The following PHLDA3 variants were observed in gnomAD, a reference collection of about 807,000 sequenced individuals.
PHLDA3 encodes pleckstrin homology-like domain family A member 3.
PHLDA3 carries 12 observed loss-of-function variants against 7.6 expected under a neutral mutation model. The ratio of observed to expected loss-of-function variants is 1.58; its 90% confidence interval spans 1.01 to 2.55. PHLDA3 has a LOEUF of 2.55. PHLDA3 is among the 30% of genes most tolerant of loss of function. The pLI, the probability that PHLDA3 is intolerant of heterozygous loss-of-function variation, is 0.00. For synonymous variants in PHLDA3, 104 were observed against 85.1 expected, an observed-to-expected ratio of 1.22 and a Z score of -1.23; for missense variants, 177 against 175.6, an observed-to-expected ratio of 1.01 and a Z score of -0.05.
Position 201,468,331 on chromosome 1 carries a change from G to A in PHLDA3, c.*62+10C>T, listed in dbSNP as rs1333574604. On this transcript the variant is annotated intron_variant, in intron 1 of 1. Coordinates refer to ENST00000367311, the MANE Select transcript of PHLDA3 (RefSeq NM_012396.5). ...AGGAGAGAAGAGGGCCCAGTCCCCC[G>A]GGGGCTTACCTGCCTTGACCTCAGC... The A allele has an allele frequency of 3.9e-6, 6 of 1,543,454 alleles. No homozygotes were observed. The highest frequency in any genetic ancestry group is 3.5e-5 in the South Asian group (3 of 85,820).
At chr1:201,467,681 C>CACAT (rs1558299134) in intron 1 of PHLDA3, 1 of 139,794 alleles carries the variant, frequency 7.2e-6, no homozygotes, top group Non-Finnish European at 1.6e-5. Context: ...CACACACACA[C>CACAT]ATATGTAGAG....
Position 201,468,359 on chromosome 1 carries a change from T to C in PHLDA3, c.*44A>G, listed in dbSNP as rs1330680581. On this transcript the variant is annotated 3_prime_UTR_variant, in exon 1 of 2. Transcript: ENST00000367311. ...GGCTTACCTGCCTTGACCTCAGCAC[T>C]GAGGTGGTGGGTAGCATGAAGGAAA... 6.2e-7 allele frequency: 1 copy of C among 1,610,568 alleles called. No individual in the cohort carries two copies.
Position 201,468,957 on chromosome 1 carries a change from G to GA in PHLDA3, c.-172dup. 3.1e-6 allele frequency: 2 copies of GA among 652,710 alleles called. No homozygotes were observed. The highest frequency in any genetic ancestry group is 3.8e-5 in the South Asian group (1 of 26,088). The allele number at this position is 652,710 out of a possible 1,614,324, so 40.4% of individuals were successfully genotyped here. On this transcript the variant is annotated 5_prime_UTR_variant, in exon 1 of 2. Coordinates refer to ENST00000367311, the MANE Select transcript of PHLDA3 (RefSeq NM_012396.5). ...CGGCCCTCAGCACCCGGCTGCCGGT[G>GA]AGGTGGTGTCGGTGCCCCCAGCGCG...
rs1663619583 is a variant in PHLDA3 at position 201,464,784 on chromosome 1, ATTGTCTGTAC to A, written c.*1447_*1456del. ...AGTTTCTGTACAACTCCAGGCAGCT[ATTGTCTGTAC>A]CTGTTTTCCCGTTTTTTTTGTTGTT... On this transcript the variant is annotated 3_prime_UTR_variant, in exon 2 of 2. Transcript: ENST00000367311. 1 of 149,684 alleles carries A rather than the reference ATTGTCTGTAC, an allele frequency of 6.7e-6. No individual in the cohort carries two copies. Among genetic ancestry groups the A allele is most frequent in the Non-Finnish European group, 1.5e-5 (1 of 67,580 alleles). 9.3% of individuals were successfully genotyped at this position (149,684 alleles called of 1,614,324 possible). A position where few individuals can be genotyped will look rare whatever the true frequency, so the allele number is the denominator to read the frequency against.
In PHLDA3 at chr1:201,468,903, C is replaced by T; in HGVS notation, c.-117G>A. On this transcript the variant is annotated 5_prime_UTR_variant, in exon 1 of 2. Coordinates refer to ENST00000367311, the MANE Select transcript of PHLDA3 (RefSeq NM_012396.5). Reference sequence around the variant, plus strand: ...GCAGGCCGTGCGCGCTGCCCACCTGCGCCCTGACTGCTCCGCGCACCCACA... The same window carrying T: ...GCAGGCCGTGCGCGCTGCCCACCTGTGCCCTGACTGCTCCGCGCACCCACA... The T allele has an allele frequency of 1.7e-6, 2 of 1,152,676 alleles. No individual in the cohort carries two copies. Among genetic ancestry groups the T allele is most frequent in the South Asian group, 2.0e-5 (1 of 48,878 alleles). 71.4% of individuals were successfully genotyped at this position (1,152,676 alleles called of 1,614,324 possible).
At position 201,465,519 on chromosome 1, in the gene PHLDA3, T is replaced by C. The variant is rs1663638273; in HGVS notation, c.*722A>G. The C allele has an allele frequency of 6.5e-6, 1 of 154,866 alleles. No homozygotes were observed. Among genetic ancestry groups the C allele is most frequent in the Non-Finnish European group, 1.5e-5 (1 of 68,268 alleles). The allele number at this position is 154,866 out of a possible 1,614,324, so 9.6% of individuals were successfully genotyped here. On this transcript the variant is annotated 3_prime_UTR_variant, in exon 2 of 2. Transcript: ENST00000367311. ...TGTGGTTACTGCCCTTTGCAGGGCATCTTCATTTGGGGAAAGACATGAAAT... is the reference window on the plus strand; with the variant it reads ...TGTGGTTACTGCCCTTTGCAGGGCACCTTCATTTGGGGAAAGACATGAAAT...
In PHLDA3 at chr1:201,468,445, C is replaced by T; in HGVS notation, c.342G>A (p.Val114=). The change falls in exon 1 of 2, where the codon GTG becomes GTA. Residue 114 remains valine, a synonymous_variant. Coordinates refer to ENST00000367311, the MANE Select transcript of PHLDA3 (RefSeq NM_012396.5). ...KFKNQQAIQT[V]RARQSLGTGT... is the part of the protein sequence containing the mutation. Reference sequence around the variant, plus strand: ...CGGTCCCGAGGCTCTGCCGGGCCCGCACTGTCTGGATGGCCTGCTGGTTCT... The same window carrying T: ...CGGTCCCGAGGCTCTGCCGGGCCCGTACTGTCTGGATGGCCTGCTGGTTCT... 1 of 1,614,192 alleles carries T rather than the reference C, an allele frequency of 6.2e-7. No homozygotes were observed. The highest frequency in any genetic ancestry group is 8.5e-7 in the Non-Finnish European group (1 of 1,180,014).
At position 201,464,402 on chromosome 1, in the gene PHLDA3, A is replaced by C. The variant is rs592189; in HGVS notation, c.*1839T>G. On this transcript the variant is annotated 3_prime_UTR_variant, in exon 2 of 2. Transcript: ENST00000367311. ...ATTGGATACAGTAAGTGACATATTT[A>C]TAAAAGTTCTGTTGTAATTAACAAA... The C allele has an allele frequency of 0.43, 66,010 of 152,120 alleles. 15,649 individuals are homozygous for C. The highest frequency in any genetic ancestry group is 0.55 in the Non-Finnish European group (37,109 of 67,970). 9.4% of individuals were successfully genotyped at this position (152,120 alleles called of 1,614,324 possible).
chr1:201,467,040 G>A (rs1663680283), intron 1 of PHLDA3, among the ~76,000 whole-genome samples: 1 of 152,198 alleles, frequency 6.6e-6, no homozygotes, highest in Admixed American at 6.5e-5. Flanking sequence ...ACCAGGTGTG[G>A]TGGCTTACAC....
At position 201,468,704 on chromosome 1, in the gene PHLDA3, C is replaced by T. The variant is rs35383942; in HGVS notation, c.83G>A (p.Arg28Gln). 86,518 of 1,608,206 alleles carry T rather than the reference C, an allele frequency of 0.054. 2,855 individuals carry two copies. Among genetic ancestry groups the T allele is most frequent in the Non-Finnish European group, 0.061 (72,031 of 1,179,198 alleles). ...GCGTTCGGTGAGGACGCAGCGCTTC[C>T]GCTTCCACAGCTGCAGCAGCCCGCC... The part of the protein sequence containing the change: ...RSGGLLQLWK[R>Q]KRCVLTERGL... The change falls in exon 1 of 2, where the codon CGG becomes CAG. Residue 28 changes from arginine to glutamine, a missense_variant. By Grantham distance (43) the Arg-to-Gln change is conservative. Coordinates refer to ENST00000367311, the MANE Select transcript of PHLDA3 (RefSeq NM_012396.5).
Position 201,468,597 on chromosome 1 carries a change from C to T in PHLDA3, c.190G>A (p.Val64Met), listed in dbSNP as rs765668286. ...TAGATGTGGCGCCCGGTGCTCTCCA[C>T]GCACTCCACGGCCTTGATGCGGGCG... ...SFARIKAVECVESTGRHIYFT... is the reference protein window; with the variant it reads ...SFARIKAVECMESTGRHIYFT... Residue 64 changes from valine to methionine, a missense_variant, in exon 1 of 2, where the codon GTG (valine) becomes ATG (methionine). Physicochemically the swap from Val to Met is conservative, Grantham distance 21 (BLOSUM62 1). Coordinates refer to ENST00000367311, the MANE Select transcript of PHLDA3 (RefSeq NM_012396.5). 6 of 1,613,678 alleles carry T rather than the reference C, an allele frequency of 3.7e-6. No homozygotes were observed. The East Asian group carries it at 8.9e-5, about 24-fold the overall frequency.
At position 201,466,706 on chromosome 1, in the gene PHLDA3, TGGCCCCTCCCCTG is replaced by T. The variant is rs1663672801; in HGVS notation, c.*63-541_*63-529del. The T allele has an allele frequency of 2.0e-5, 3 of 152,400 alleles. No individual in the cohort carries two copies. In the South Asian group the frequency reaches 6.2e-4, roughly 32 times the overall value. 9.4% of individuals were successfully genotyped at this position (152,400 alleles called of 1,614,324 possible). A position where few individuals can be genotyped will look rare whatever the true frequency, so the allele number is the denominator to read the frequency against. The stretch of plus-strand genomic sequence containing the variant: ...AGCCAGGGCTTCCAGATTCTATTCC[TGGCCCCTCCCCTG>T]GGCCTTCCTGACCACAAATCCGCCC... On this transcript the variant is annotated intron_variant, in intron 1 of 1. Coordinates refer to ENST00000367311, the MANE Select transcript of PHLDA3 (RefSeq NM_012396.5).
At position 201,468,699 on chromosome 1, in the gene PHLDA3, G is replaced by A; in HGVS notation, c.88C>T (p.Arg30Cys). Residue 30 changes from arginine to cysteine, a missense_variant, in exon 1 of 2, where the codon CGC becomes TGC. By Grantham distance (180) the Arg-to-Cys change is radical. Transcript: ENST00000367311. Reference protein sequence around the residue: ...GGLLQLWKRKRCVLTERGLQL... With the variant: ...GGLLQLWKRKCCVLTERGLQL... ...AGCCCGCGTTCGGTGAGGACGCAGC[G>A]CTTCCGCTTCCACAGCTGCAGCAGC... 6.2e-7 allele frequency: 1 copy of A among 1,609,082 alleles called. No individual in the cohort carries two copies. Among genetic ancestry groups the A allele is most frequent in the South Asian group, 1.1e-5 (1 of 90,978 alleles).
chr1:201,468,292 A>G, intron 1 of PHLDA3, 49 bp downstream of exon 1: 1 of 1,207,170 alleles, frequency 8.3e-7, no homozygotes, highest in Non-Finnish European at 1.2e-6. Flanking sequence ...TGTAGGGGAA[A>G]GAGAAGGGAG....
At chr1:201,467,898 G>C (rs1303786424) in intron 1 of PHLDA3, among the ~76,000 whole-genome samples, 1 of 151,910 alleles carries the variant, frequency 6.6e-6, no homozygotes, top group East Asian at 1.9e-4. Flanking sequence ...AAAGAGGGTC[G>C]GCCTCCACGA....
rs36071818 is a variant in PHLDA3, at chr1:201,468,641, C to G, written c.146G>C (p.Arg49Pro). The G allele has an allele frequency of 1.2e-6, 2 of 1,613,128 alleles. No individual in the cohort carries two copies. The highest frequency in any genetic ancestry group is 2.2e-5 in the South Asian group (2 of 91,066). ...GCGGGCGAAGCTGAGCTCCTTGGGC[C>G]GGCCGCCCGTGCCCTTGGCCTCGAA... ...QLFEAKGTGG[R>P]PKELSFARIK... Residue 49 changes from arginine to proline, a missense_variant, in exon 1 of 2, where the codon CGG becomes CCG. By Grantham distance (103) the Arg-to-Pro change is moderately radical. Transcript: ENST00000367311.
In PHLDA3 at chr1:201,469,072, C is replaced by T; in HGVS notation, c.-286G>A. On this transcript the variant is annotated 5_prime_UTR_variant, in exon 1 of 2. Transcript: ENST00000367311. ...CCGACCCGCCTCTGCCAGATGCCTCCGCGCCTCCCTAGGCCGTGAGCCCCA... is the reference window on the plus strand; with the variant it reads ...CCGACCCGCCTCTGCCAGATGCCTCTGCGCCTCCCTAGGCCGTGAGCCCCA... 2.8e-6 allele frequency: 1 copy of T among 352,228 alleles called. No individual in the cohort carries two copies. The highest frequency in any genetic ancestry group is 5.0e-6 in the Non-Finnish European group (1 of 198,850). 21.8% of individuals were successfully genotyped at this position (352,228 alleles called of 1,614,324 possible).
chr1:201,466,355 G>T (rs911905020), intron 1 of PHLDA3, 177 bp from the exon 2 acceptor site: 1 of 152,132 alleles, frequency 6.6e-6, no homozygotes, highest in Non-Finnish European at 1.5e-5. Context: ...AAGACCTGAG[G>T]GATCAATGTG....
In PHLDA3 at chr1:201,465,304, A is replaced by G. The variant is rs1351910467; in HGVS notation, c.*937T>C. On this transcript the variant is annotated 3_prime_UTR_variant, in exon 2 of 2. Transcript: ENST00000367311. ...TAGGGACTGAACTGACCAGCTTGAC[A>G]TCCCTCGGTCCAGAATCTATGGGCC... 3.3e-5 allele frequency: 5 copies of G among 152,318 alleles called. No individual in the cohort carries two copies. 9.4% of individuals were successfully genotyped at this position (152,318 alleles called of 1,614,324 possible). A position where few individuals can be genotyped will look rare whatever the true frequency, so the allele number is the denominator to read the frequency against.
Sources: gnomAD v4.1 joint callset for allele counts (sites outside exome capture counted in the v4.1 genomes callset) on GRCh38, gnomAD v4.1.1 for gene constraint, MANE v1.5 for transcripts, NCBI Gene and HGNC (gene_info 2026-07-23, HGNC 2026-07-21) for gene names.